Variants in DNAH1 observed in about 807,000 individuals in gnomAD.
DNAH1 encodes the protein axonemal beta dynein heavy chain 1.
Under a neutral mutation model 484.3 loss-of-function variants are expected in DNAH1, and 327 were observed. That is an observed-to-expected ratio of 0.68 (90% CI 0.62 to 0.74). The LOEUF (loss-of-function observed/expected upper bound fraction) is 0.74. Among genes scored for constraint, DNAH1 ranks in the 30% least tolerant of loss-of-function variants. The pLI is 0.00. For missense variants in DNAH1, 5,052 were observed against 5,546.8 expected (o/e 0.91, Z 2.83); for synonymous variants, 2,192 against 2,191.9 (o/e 1.00, Z 0.00).
intron 53 of DNAH1, 132 bp from the exon 54 acceptor site, chr3:52,385,205 C>T (rs1414488406): frequency 5.7e-6 from 6 of 1,045,806 alleles, no homozygotes; most frequent in Non-Finnish European, 8.4e-6. Context: ...CCTCTGGGGT[C>T]GGCTGGGCAA....
chr3:52,373,260 G>A (rs1024919068), intron 44 of DNAH1, among the ~76,000 whole-genome samples: 3 of 148,048 alleles, frequency 2.0e-5, no homozygotes, highest in Admixed American at 7.1e-5. Flanking sequence ...TGGAAGCCTG[G>A]AAAAGGGGAA....
chr3:52,338,292 AAAG>A, intron 8 of DNAH1, among the ~76,000 whole-genome samples: 1 of 152,202 alleles, frequency 6.6e-6, no homozygotes, highest in Middle Eastern at 3.4e-3. Flanking sequence ...TATTTTTAGT[AAAG>A]AAGGGATTTC....
chr3:52,328,574 A>C (rs1056249769), intron 6 of DNAH1, among the ~76,000 whole-genome samples: 2 of 152,184 alleles, frequency 1.3e-5, no homozygotes, highest in African/African-American at 4.8e-5. Context: ...GTCACACCTC[A>C]CCATGCCCAC....
chr3:52,358,442 G>A lies in DNAH1; in HGVS notation c.4087-116G>A. The A allele has an allele frequency of 8.8e-7, 1 of 1,135,040 alleles. No individual in the cohort carries two copies. Among genetic ancestry groups the A allele is most frequent in the Non-Finnish European group, 1.2e-6 (1 of 819,208 alleles). The allele number at this position is 1,135,040 out of a possible 1,614,324, so 70.3% of individuals were successfully genotyped here. A position where few individuals can be genotyped will look rare whatever the true frequency, so the allele number is the denominator to read the frequency against. On this transcript the variant is annotated intron_variant, in intron 24 of 77. Coordinates refer to ENST00000420323, the MANE Select transcript of DNAH1 (RefSeq NM_015512.5). This position sits in a 1 kb window ranked among gnomAD's most constrained non-coding sequence, Gnocchi z 4.2. Reference sequence around the variant, plus strand: ...GATAGACTCTCGGGGGGACGGGAAGGCAGGGCTTTCTTCTTGAGGTGGAGG... The same window carrying A: ...GATAGACTCTCGGGGGGACGGGAAGACAGGGCTTTCTTCTTGAGGTGGAGG...
At chr3:52,340,705 G>A (rs896709889) in intron 8 of DNAH1, among the ~76,000 whole-genome samples, 15 of 152,150 alleles carry the variant, frequency 9.9e-5, no homozygotes, top group Non-Finnish European at 1.9e-4. Flanking sequence ...AAAGTGCTGG[G>A]ATTACAGGCA....
intron 6 of DNAH1, among the ~76,000 whole-genome samples, chr3:52,330,029 C>G (rs1336759204): frequency 1.3e-5 from 2 of 152,026 alleles, no homozygotes; most frequent in Non-Finnish European, 2.9e-5. Context: ...AAGGTGGTCT[C>G]GAACTCCTGA....
At chr3:52,350,642 G>A in intron 16 of DNAH1, 52 bp downstream of exon 16, 2 of 1,530,670 alleles carry the variant, frequency 1.3e-6, no homozygotes, top group Non-Finnish European at 1.8e-6. Context: ...CATGAGGGGA[G>A]CTGCTGAGCT....
At chr3:52,354,367 C>T (rs771174680) in intron 20 of DNAH1, among the ~76,000 whole-genome samples, 50 of 152,190 alleles carry the variant, frequency 3.3e-4, no homozygotes, top group Non-Finnish European at 5.7e-4. Context: ...AACACAGTGG[C>T]TCACGCCTGT....
In DNAH1 at chr3:52,361,053, A is replaced by T; in HGVS notation, c.4686-111A>T. 7.3e-6 allele frequency: 8 copies of T among 1,102,892 alleles called. No individual in the cohort carries two copies. Among genetic ancestry groups the T allele is most frequent in the Non-Finnish European group, 9.6e-6 (8 of 830,708 alleles). The allele number at this position is 1,102,892 out of a possible 1,614,324, so 68.3% of individuals were successfully genotyped here. A position where few individuals can be genotyped will look rare whatever the true frequency, so the allele number is the denominator to read the frequency against. ...CCGGAGCCAGGGCTGGGCACACCCCAGCCCACCAAAAGGGGACGGGGCGAG... is the reference window on the plus strand; with the variant it reads ...CCGGAGCCAGGGCTGGGCACACCCCTGCCCACCAAAAGGGGACGGGGCGAG... On this transcript the variant is annotated intron_variant, in intron 28 of 77. Coordinates refer to ENST00000420323, the MANE Select transcript of DNAH1 (RefSeq NM_015512.5). The surrounding 1 kb of genome is among the most constrained non-coding windows in gnomAD (Gnocchi z 5.6).
At chr3:52,375,462 G>C (rs1391005136) in intron 45 of DNAH1, 49 bp downstream of exon 45, 7 of 1,581,442 alleles carry the variant, frequency 4.4e-6, no homozygotes, top group African/African-American at 4.0e-5. Flanking sequence ...GCCCAGGCCA[G>C]GGAGGCCACA....
At chr3:52,376,334 G>A (rs915180238) in intron 46 of DNAH1, among the ~76,000 whole-genome samples, 4 of 152,232 alleles carry the variant, frequency 2.6e-5, no homozygotes, top group Non-Finnish European at 4.4e-5. Flanking sequence ...CAGGAAAGCC[G>A]GGAGTGGTTT....
intron 48 of DNAH1, 125 bp downstream of exon 48, chr3:52,380,260 G>T: frequency 1.2e-6 from 1 of 801,648 alleles, no homozygotes; most frequent in Non-Finnish European, 2.0e-6. Flanking sequence ...CCAGGACGCG[G>T]GGTAAGACAG....
intron 22 of DNAH1, 35 bp downstream of exon 22, chr3:52,356,813 T>TC (rs1172256241): frequency 6.4e-7 from 1 of 1,566,008 alleles, no homozygotes; most frequent in African/African-American, 1.4e-5. Context: ...GCAGCTGGGA[T>TC]CCCCAAGGGC....
chr3:52,397,740 A>AATGAT lies in DNAH1; in HGVS notation c.11825_11829dup (p.Pro3944IlefsTer46). 6.2e-7 allele frequency: 1 copy of AATGAT among 1,613,128 alleles called. No homozygotes were observed. The highest frequency in any genetic ancestry group is 8.5e-7 in the Non-Finnish European group (1 of 1,179,354). Reference sequence around the variant, plus strand: ...CTCCTACATCAAGAGCCTCCCACTCAATGATATGCCTGAGATCTTTGGCCT... The same window carrying AATGAT: ...CTCCTACATCAAGAGCCTCCCACTCAATGATATGATATGCCTGAGATCTTTGGCCT... On this transcript the variant is annotated frameshift_variant, in exon 74 of 78. Coordinates refer to ENST00000420323, the MANE Select transcript of DNAH1 (RefSeq NM_015512.5). LOFTEE classifies it high-confidence loss of function.
intron 76 of DNAH1, 61 bp from the exon 77 acceptor site, chr3:52,399,484 C>T: frequency 7.0e-7 from 1 of 1,430,974 alleles, no homozygotes; most frequent in Admixed American, 2.1e-5. Context: ...GAGTTTTGTG[C>T]CTCCTAACCC....
At position 52,375,222 on chromosome 3, in the gene DNAH1, T is replaced by G; in HGVS notation, c.6986-18T>G. 1.9e-6 allele frequency: 3 copies of G among 1,589,004 alleles called. No homozygotes were observed. The highest frequency in any genetic ancestry group is 2.6e-6 in the Non-Finnish European group (3 of 1,166,750). On this transcript the variant is annotated intron_variant, in intron 44 of 77. Coordinates refer to ENST00000420323, the MANE Select transcript of DNAH1 (RefSeq NM_015512.5). ...AGCCCTGGCCAGGGCCCTTCCTGACTTCCTGCCCCTACTCCAGGTGCCTTC... is the reference window on the plus strand; with the variant it reads ...AGCCCTGGCCAGGGCCCTTCCTGACGTCCTGCCCCTACTCCAGGTGCCTTC...
chr3:52,368,708 A>G lies in DNAH1; in HGVS notation c.5766-33A>G. On this transcript the variant is annotated intron_variant, in intron 36 of 77. Coordinates refer to ENST00000420323, the MANE Select transcript of DNAH1 (RefSeq NM_015512.5). The surrounding 1 kb of genome is among the most constrained non-coding windows in gnomAD (Gnocchi z 4.4). Reference sequence around the variant, plus strand: ...CTGTGCTCGAAGCACCGCCTCCCTGATGTTTCCAGCCCTCTCCTCCCTGGC... The same window carrying G: ...CTGTGCTCGAAGCACCGCCTCCCTGGTGTTTCCAGCCCTCTCCTCCCTGGC... The G allele has an allele frequency of 5.0e-6, 8 of 1,596,252 alleles. No individual in the cohort carries two copies. The highest frequency in any genetic ancestry group is 1.1e-5 in the South Asian group (1 of 90,226).
chr3:52,313,858 G>A (rs983375058), upstream of DNAH1, among the ~76,000 whole-genome samples: 2 of 152,174 alleles, frequency 1.3e-5, no homozygotes, highest in African/African-American at 4.8e-5. Context: ...CCGTGACACT[G>A]GGTAAGGTTT....
rs1361087002 is a variant in DNAH1, at chr3:52,347,941, C to T, written c.2073C>T (p.Ile691=). 3 of 1,610,726 alleles carry T rather than the reference C, an allele frequency of 1.9e-6. No individual in the cohort carries two copies. Among genetic ancestry groups the T allele is most frequent in the African/African-American group, 2.7e-5 (2 of 74,876 alleles). The change falls in exon 12 of 78, where the codon ATC becomes ATT. Residue 691 remains isoleucine, a synonymous_variant. Coordinates refer to ENST00000420323, the MANE Select transcript of DNAH1 (RefSeq NM_015512.5). ...TGCTGAACCTCTTCGACAAGGGCAT[C>T]CTGGCCACCCATGCCGTGCCCCAGC... ...ASLLNLFDKG[I]LATHAVPQLE... is the part of the protein sequence containing the mutation.
Sources: allele counts gnomAD v4.1 joint callset (sites outside exome capture counted in the v4.1 genomes callset), GRCh38; gene constraint gnomAD v4.1.1; non-coding constraint Gnocchi (gnomAD v3.1); transcripts MANE v1.5; gene names NCBI Gene and HGNC (gene_info 2026-07-23, HGNC 2026-07-21).